Variants in DCBLD1 observed in about 807,000 individuals in gnomAD.
The protein encoded by DCBLD1 is discoidin, CUB and LCCL domain containing 1, also known as discoidin, CUB and LCCL domain-containing protein 1.
In DCBLD1, 57 loss-of-function variants were observed where a neutral mutation model predicts 71.5. The observed-to-expected ratio is 0.80, with a 90% CI of 0.64 to 0.99. The LOEUF is 0.99. DCBLD1 is among the 50% of genes least tolerant of loss of function. DCBLD1 has a pLI of 0.00. For missense variants in DCBLD1, 891 were observed against 923.5 expected (o/e 0.96, Z 0.46); for synonymous variants, 380 against 363.8 (o/e 1.04, Z -0.51).
chr6:117,486,890 C>T (rs1353397198), intron 1 of DCBLD1, among the ~76,000 whole-genome samples: 1 of 152,176 alleles, frequency 6.6e-6, no homozygotes. Context: ...CGCCTGAGTT[C>T]GCCTCCTGTC....
Position 117,545,620 on chromosome 6 carries a change from T to C in DCBLD1, c.1615+23T>C, listed in dbSNP as rs529445910. ...CAGGTAAGTGTCATATTTCTAGGAC[T>C]GTGCTATTAGATTGGAGGTGCTGCT... is the stretch of plus-strand genomic sequence containing the variant. On this transcript the variant is annotated intron_variant, in intron 14 of 14. Transcript: ENST00000338728. The C allele has an allele frequency of 1.9e-5, 31 of 1,607,746 alleles. No individual in the cohort carries two copies. In the East Asian group the frequency reaches 6.5e-4, roughly 34 times the overall value.
At chr6:117,538,941 C>T in intron 8 of DCBLD1, 106 bp downstream of exon 8, 2 of 1,145,616 alleles carry the variant, frequency 1.7e-6, no homozygotes, top group Non-Finnish European at 2.4e-6. Flanking sequence ...CTCTACCTAC[C>T]TCCAAGTTCT....
intron 1 of DCBLD1, among the ~76,000 whole-genome samples, chr6:117,487,967 C>G (rs575198110): frequency 6.6e-6 from 1 of 152,216 alleles, no homozygotes; most frequent in East Asian, 1.9e-4. Context: ...ATAAAGCAAA[C>G]GCATGTGATG....
At position 117,518,069 on chromosome 6, in the gene DCBLD1, A is replaced by G. The variant is rs139798801; in HGVS notation, c.326-1747A>G. ...CAGGCTGCAAATTTTCTGAACTTTT[A>G]TGCTCTGCTTCCCTTATAAAACTGA... On this transcript the variant is annotated intron_variant, in intron 2 of 14. Transcript: ENST00000338728. Among the ~76,000 whole-genome samples the G allele has an allele frequency of 8.9e-3, 1,361 of 152,266 alleles. 52 individuals are homozygous for G. The East Asian group carries it at 0.12, about 14-fold the overall frequency.
rs1187012060 is a variant in DCBLD1, at chr6:117,555,737, G to A, written c.1615+10140G>A. Among the ~76,000 whole-genome samples the A allele has an allele frequency of 2.6e-5, 4 of 152,100 alleles. No homozygotes were observed. In the East Asian group the frequency reaches 7.7e-4, roughly 29 times the overall value. The stretch of plus-strand genomic sequence containing the variant: ...AAACCCAGCACAATCATCATTTTTA[G>A]AAATCAAAACTGTATCAAGCCAAGG... On this transcript the variant is annotated intron_variant, in intron 14 of 14. Coordinates refer to the DCBLD1 transcript ENST00000296955.
intron 1 of DCBLD1, among the ~76,000 whole-genome samples, chr6:117,490,853 T>C (rs1357940475): frequency 6.6e-6 from 1 of 152,242 alleles, no homozygotes; most frequent in African/African-American, 2.4e-5. Context: ...ATAATATGTA[T>C]AGCTCCATTT....
intron 14 of DCBLD1, among the ~76,000 whole-genome samples, chr6:117,557,398 A>AT (rs1395912350): frequency 1.4e-4 from 21 of 151,960 alleles, no homozygotes; most frequent in African/African-American, 5.1e-4. Context: ...ATATTGCTGG[A>AT]TTTTTTCCAA....
At chr6:117,541,140 TC>T in intron 11 of DCBLD1, 115 bp downstream of exon 11, 1 of 838,474 alleles carries the variant, frequency 1.2e-6, no homozygotes, top group Non-Finnish European at 1.9e-6. Flanking sequence ...AGGTGGATGA[TC>T]CAGTGGTATT....
intron 2 of DCBLD1, among the ~76,000 whole-genome samples, chr6:117,504,447 GAA>G (rs1280609133): frequency 1.1e-4 from 16 of 152,338 alleles, no homozygotes; most frequent in Non-Finnish European, 2.9e-5. Context: ...TGGTGAGAAA[GAA>G]AAGGAATAAT....
chr6:117,554,757 G>C (rs1405751077), downstream of DCBLD1, among the ~76,000 whole-genome samples: 1 of 152,082 alleles, frequency 6.6e-6, no homozygotes. Context: ...GCCGGGAGTG[G>C]TGGCTTGTGC....
intron 1 of DCBLD1, 134 bp downstream of exon 1, chr6:117,483,027 G>A: frequency 1.0e-6 from 1 of 975,234 alleles, no homozygotes; most frequent in Middle Eastern, 4.7e-4. Flanking sequence ...GGAGGAAGTC[G>A]GGCTCGCCGC....
At chr6:117,549,966 A>T (rs138300745), downstream of DCBLD1, among the ~76,000 whole-genome samples, 1 of 152,198 alleles carries the variant, frequency 6.6e-6, no homozygotes. Flanking sequence ...TTCTATAATG[A>T]TGAGACTCGG....
In DCBLD1 at chr6:117,549,501, T is replaced by C; in HGVS notation, c.*1062T>C. On this transcript the variant is annotated 3_prime_UTR_variant, in exon 15 of 15. Coordinates refer to ENST00000338728, the MANE Select transcript of DCBLD1 (RefSeq NM_001366458.2). ...TGTACCTCATGCTCAGTAGTTTTTA[T>C]TTGAGTTTCTTTTGTGAGTTAACTA... The C allele has an allele frequency of 1.0e-6, 1 of 985,408 alleles. No individual in the cohort carries two copies. Among genetic ancestry groups the C allele is most frequent in the Non-Finnish European group, 1.2e-6 (1 of 829,924 alleles). 61.0% of individuals were successfully genotyped at this position (985,408 alleles called of 1,614,324 possible). A position where few individuals can be genotyped will look rare whatever the true frequency, so the allele number is the denominator to read the frequency against.
intron 2 of DCBLD1, among the ~76,000 whole-genome samples, chr6:117,511,459 C>G (rs913350377): frequency 7.9e-5 from 12 of 152,192 alleles, no homozygotes; most frequent in Non-Finnish European, 1.6e-4. Context: ...CCTACGTTTT[C>G]TGTACCTCCA....
intron 14 of DCBLD1, among the ~76,000 whole-genome samples, chr6:117,557,625 G>A (rs191345235): frequency 4.0e-4 from 61 of 152,132 alleles, no homozygotes; most frequent in African/African-American, 1.3e-3. Flanking sequence ...TTAGCCAGGC[G>A]TGGTGGCACG....
At chr6:117,510,116 T>G (rs551340121) in intron 2 of DCBLD1, among the ~76,000 whole-genome samples, 1 of 152,332 alleles carries the variant, frequency 6.6e-6, no homozygotes, top group African/African-American at 2.4e-5. Context: ...TGTGCCCCAC[T>G]TCTACAGAAA....
downstream of DCBLD1, among the ~76,000 whole-genome samples, chr6:117,553,991 G>A (rs1432846018): frequency 6.6e-6 from 1 of 152,176 alleles, no homozygotes; most frequent in African/African-American, 2.4e-5. Flanking sequence ...GGGTTGTGGT[G>A]AAGATTACAA....
chr6:117,530,957 A>T (rs1562452968), intron 5 of DCBLD1, among the ~76,000 whole-genome samples: 1 of 151,616 alleles, frequency 6.6e-6, no homozygotes, highest in African/African-American at 2.4e-5. Flanking sequence ...CAGTATTCTC[A>T]TTTTTTTTCT....
intron 1 of DCBLD1, among the ~76,000 whole-genome samples, chr6:117,486,696 G>T (rs1257133474): frequency 1.1e-4 from 16 of 152,294 alleles, no homozygotes; most frequent in Non-Finnish European, 2.9e-5. Context: ...TCCTCTCAGG[G>T]AGAACTTTCC....
Sources: allele counts gnomAD v4.1 joint callset (sites outside exome capture counted in the v4.1 genomes callset), GRCh38; gene constraint gnomAD v4.1.1; transcripts MANE v1.5; gene names NCBI Gene and HGNC (gene_info 2026-07-23, HGNC 2026-07-21).